SAFB: variants seen among roughly 807,000 people sequenced by gnomAD.
SAFB encodes scaffold attachment factor B, also known as scaffold attachment factor B1.
In SAFB, 15 loss-of-function variants were observed where a neutral mutation model predicts 101.6. The ratio of observed to expected loss-of-function variants is 0.15; its 90% confidence interval spans 0.10 to 0.23. The LOEUF (loss-of-function observed/expected upper bound fraction) is 0.23, where lower values mean the gene tolerates loss of function less well. SAFB is among the 10% of genes least tolerant of loss of function. The pLI, the probability that SAFB is intolerant of heterozygous loss-of-function variation, is 1.00. For missense variants in SAFB, 930 were observed against 1,104.1 expected, an observed-to-expected ratio of 0.84 and a Z score of 2.23; for synonymous variants, 449 against 407.5, an observed-to-expected ratio of 1.10 and a Z score of -1.23.
In SAFB at chr19:5,667,994, G is replaced by A; in HGVS notation, c.2624+108G>A. The A allele has an allele frequency of 7.0e-7, 1 of 1,421,384 alleles. No homozygotes were observed. Among genetic ancestry groups the A allele is most frequent in the South Asian group, 1.3e-5 (1 of 75,204 alleles). The allele number at this position is 1,421,384 out of a possible 1,614,324, so 88.0% of individuals were successfully genotyped here. A position where few individuals can be genotyped will look rare whatever the true frequency, so the allele number is the denominator to read the frequency against. The stretch of plus-strand genomic sequence containing the variant: ...CCAGCTAGTGCCCCTCCCCCCAAGG[G>A]TGACGTGAGGCCAGGCATGGGGTAC... On this transcript the variant is annotated intron_variant, in intron 20 of 20. Transcript: ENST00000588852. The surrounding 1 kb of genome is among the most constrained non-coding windows in gnomAD (Gnocchi z 4.0).
intron 13 of SAFB, among the ~76,000 whole-genome samples, chr19:5,654,860 G>A (rs1052984839): frequency 6.6e-6 from 1 of 152,238 alleles, no homozygotes; most frequent in African/African-American, 2.4e-5. Flanking sequence ...GAGCCACTGC[G>A]CCCAGCCTCA....
rs1479407567 is a variant in SAFB, at chr19:5,623,355, G to C, written c.150G>C (p.Ser50=). ...RAELRKRNVD[S]SGNKSVLMER... is the part of the protein sequence containing the mutation. Reference sequence around the variant, plus strand: ...AGCTGAGGAAACGGAATGTGGACTCGAGCGGCAACAAGAGCGTTTTGATGG... The same window carrying C: ...AGCTGAGGAAACGGAATGTGGACTCCAGCGGCAACAAGAGCGTTTTGATGG... Residue 50 remains serine, a synonymous_variant, in exon 1 of 21, where the codon TCG becomes TCC. Transcript: ENST00000588852. The C allele has an allele frequency of 6.2e-7, 1 of 1,614,028 alleles. No homozygotes were observed. The highest frequency in any genetic ancestry group is 8.5e-7 in the Non-Finnish European group (1 of 1,179,900).
chr19:5,635,476 A>T (rs2053576662), intron 2 of SAFB, among the ~76,000 whole-genome samples: 1 of 152,148 alleles, frequency 6.6e-6, no homozygotes, highest in African/African-American at 2.4e-5. Context: ...TAACCTCTTA[A>T]GAGGACAGTA....
rs1382051982 is a variant in SAFB, at chr19:5,623,213, A to G, written c.8A>G (p.Glu3Gly). Residue 3 changes from glutamate to glycine, a missense_variant, in exon 1 of 21, where the codon GAG (glutamate) becomes GGG (glycine). Physicochemically the swap from Glu to Gly is moderately conservative, Grantham distance 98. Around this residue, in one of 7 missense-constraint regions of SAFB, gnomAD observed 44 missense variants for 35.8 expected, o/e 1.23. Coordinates refer to ENST00000588852, the MANE Select transcript of SAFB (RefSeq NM_001201338.2). ...GGAGCCAGGGTCCCTGGAATGGCGG[A>G]GACTCTGTCAGGCCTAGGTGATTCT... is the stretch of plus-strand genomic sequence containing the variant. MA[E>G]TLSGLGDSGA... 6.3e-7 allele frequency: 1 copy of G among 1,591,966 alleles called. No homozygotes were observed. Among genetic ancestry groups the G allele is most frequent in the South Asian group, 1.1e-5 (1 of 88,648 alleles).
At chr19:5,646,035 G>A (rs2053820632) in intron 5 of SAFB, among the ~76,000 whole-genome samples, 1 of 152,040 alleles carries the variant, frequency 6.6e-6, no homozygotes, top group Non-Finnish European at 1.5e-5. Context: ...TTATATTTGT[G>A]GGTCTTGAGT....
At position 5,667,728 on chromosome 19, in the gene SAFB, G is replaced by C. The variant is rs544321641; in HGVS notation, c.2558-92G>C. On this transcript the variant is annotated intron_variant, in intron 19 of 20. Coordinates refer to ENST00000588852, the MANE Select transcript of SAFB (RefSeq NM_001201338.2). This position sits in a 1 kb window ranked among gnomAD's most constrained non-coding sequence, Gnocchi z 4.0. ...ACCCGCTAGTTGTGGGTACCTGGGG[G>C]CCTCACCAAAGGGAGTGGAGTGGGC... The C allele has an allele frequency of 1.6e-4, 203 of 1,240,924 alleles. No individual in the cohort carries two copies. In the African/African-American group the frequency reaches 2.5e-3, roughly 15 times the overall value. 76.9% of individuals were successfully genotyped at this position (1,240,924 alleles called of 1,614,324 possible).
chr19:5,642,910 G>A (rs1000432832), intron 4 of SAFB, among the ~76,000 whole-genome samples: 3 of 151,894 alleles, frequency 2.0e-5, no homozygotes, highest in South Asian at 2.1e-4. Context: ...CAGGTGATCC[G>A]CCTGCCTCAG....
intron 2 of SAFB, among the ~76,000 whole-genome samples, chr19:5,629,371 C>T (rs533989671): frequency 6.6e-6 from 1 of 152,066 alleles, no homozygotes; most frequent in African/African-American, 2.4e-5. Flanking sequence ...GTCAAGGCTG[C>T]GGTGAGCCAT....
chr19:5,641,690 T>A, intron 3 of SAFB, 32 bp downstream of exon 3: 1 of 1,613,446 alleles, frequency 6.2e-7, no homozygotes, highest in Non-Finnish European at 8.5e-7. Context: ...AGTAGCGTGG[T>A]GGATGGACCA....
At position 5,623,227 on chromosome 19, in the gene SAFB, C is replaced by T. The variant is rs1219062073; in HGVS notation, c.22C>T (p.Leu8=). 8.7e-6 allele frequency: 14 copies of T among 1,603,006 alleles called. No homozygotes were observed. The highest frequency in any genetic ancestry group is 1.2e-5 in the Non-Finnish European group (14 of 1,175,192). Residue 8 remains leucine, a synonymous_variant, in exon 1 of 21, where the codon CTA becomes TTA. Coordinates refer to ENST00000588852, the MANE Select transcript of SAFB (RefSeq NM_001201338.2). MAETLSG[L]GDSGAAGAAA... is the part of the protein sequence containing the mutation. ...TGGAATGGCGGAGACTCTGTCAGGC[C>T]TAGGTGATTCTGGAGCGGCGGGCGC...
At chr19:5,654,728 C>T (rs765547214) in intron 13 of SAFB, among the ~76,000 whole-genome samples, 2 of 152,100 alleles carry the variant, frequency 1.3e-5, no homozygotes, top group African/African-American at 2.4e-5. Flanking sequence ...GGATTACAGG[C>T]GCACACCATT....
intron 12 of SAFB, 28 bp downstream of exon 12, chr19:5,654,228 C>G (rs1227520679): frequency 3.1e-6 from 5 of 1,613,124 alleles, no homozygotes; most frequent in Non-Finnish European, 4.2e-6. Context: ...CCAGGAGATT[C>G]TGTCTTGTTT....
intron 5 of SAFB, among the ~76,000 whole-genome samples, chr19:5,647,243 C>A (rs912710662): frequency 6.6e-6 from 1 of 152,164 alleles, no homozygotes; most frequent in African/African-American, 2.4e-5. Flanking sequence ...GAGCTGGATA[C>A]TGAGGGATGT....
intron 2 of SAFB, among the ~76,000 whole-genome samples, chr19:5,630,375 C>T (rs1158266423): frequency 6.6e-6 from 1 of 152,152 alleles, no homozygotes; most frequent in Non-Finnish European, 1.5e-5. Flanking sequence ...TTTAATCTGT[C>T]ATTCAATTTA....
At chr19:5,645,528 G>A (rs2053809499) in intron 5 of SAFB, 129 bp downstream of exon 5, 3 of 554,316 alleles carry the variant, frequency 5.4e-6, no homozygotes, top group African/African-American at 1.9e-5. Flanking sequence ...TGTCAGGATC[G>A]TTAATGGGTG....
rs1568281688 is a variant in SAFB, at chr19:5,664,007, CA to C, written c.2154-14del. 1 of 1,612,744 alleles carries C rather than the reference CA, an allele frequency of 6.2e-7. No homozygotes were observed. Among genetic ancestry groups the C allele is most frequent in the African/African-American group, 1.3e-5 (1 of 75,038 alleles). Reference sequence around the variant, plus strand: ...GTGGGGGATCCCTCTATCTCTGTCTCATGTCCCCTCACAGGCGAGATGATGC... The same window carrying C: ...GTGGGGGATCCCTCTATCTCTGTCTCTGTCCCCTCACAGGCGAGATGATGC... On this transcript the variant is annotated splice_polypyrimidine_tract_variant and intron_variant, in intron 15 of 20. Transcript: ENST00000588852.
intron 17 of SAFB, chr19:5,666,743 G>A (rs1182578377): frequency 6.4e-6 from 3 of 466,740 alleles, no homozygotes; most frequent in African/African-American, 2.0e-5. Flanking sequence ...AATCTCTCTT[G>A]TAAGCATCAT....
chr19:5,648,853 C>T (rs895985691), intron 6 of SAFB, 136 bp from the exon 7 acceptor site: 17 of 516,684 alleles, frequency 3.3e-5, no homozygotes, highest in African/African-American at 2.0e-4. Flanking sequence ...TTTGTGTACC[C>T]GCGGGTTTTC....
At chr19:5,626,949 C>T (rs1383576438) in intron 2 of SAFB, among the ~76,000 whole-genome samples, 2 of 151,894 alleles carry the variant, frequency 1.3e-5, no homozygotes, top group African/African-American at 4.8e-5. Flanking sequence ...GAGGCTGAAC[C>T]GGAAGGATTA....
Sources: allele counts gnomAD v4.1 joint callset (sites outside exome capture counted in the v4.1 genomes callset), GRCh38; gene constraint gnomAD v4.1.1; regional missense constraint gnomAD v4.1.1; non-coding constraint Gnocchi (gnomAD v3.1); transcripts MANE v1.5; gene names NCBI Gene and HGNC (gene_info 2026-07-23, HGNC 2026-07-21).